The following DAB2IP variants were observed in gnomAD, a reference collection of about 807,000 sequenced individuals.
The protein encoded by DAB2IP is DAB2 interacting protein.
In DAB2IP, 28 loss-of-function variants were observed where a neutral mutation model predicts 107.2. That is an observed-to-expected ratio of 0.26 (90% CI 0.19 to 0.36). The LOEUF (loss-of-function observed/expected upper bound fraction) is 0.36, where lower values mean the gene tolerates loss of function less well. Ranked by LOEUF, DAB2IP falls within the 10% of genes least tolerant of loss-of-function variation. The pLI is 1.00. For synonymous variants in DAB2IP, 755 were observed against 706.4 expected, an observed-to-expected ratio of 1.07 and a Z score of -1.09; for missense variants, 1,400 against 1,644.7, an observed-to-expected ratio of 0.85 and a Z score of 2.57.
intron 1 of DAB2IP, among the ~76,000 whole-genome samples, chr9:121,568,333 C>T (rs1829855337): frequency 6.6e-6 from 1 of 152,152 alleles, no homozygotes; most frequent in African/African-American, 2.4e-5. Flanking sequence ...GCCCAGCCCA[C>T]AGACCTGGCA....
chr9:121,583,588 C>T (rs1830250576), intron 1 of DAB2IP, among the ~76,000 whole-genome samples: 1 of 144,482 alleles, frequency 6.9e-6, no homozygotes, highest in Non-Finnish European at 1.5e-5. Flanking sequence ...GTCCTGGGCA[C>T]AGGCTGGCTT....
chr9:121,593,148 A>C (rs2118933263), intron 1 of DAB2IP, among the ~76,000 whole-genome samples: 1 of 152,140 alleles, frequency 6.6e-6, no homozygotes, highest in East Asian at 1.9e-4. Flanking sequence ...CAACGGCATG[A>C]TCATAGCTTA....
chr9:121,581,288 T>C (rs1589374955), intron 1 of DAB2IP, among the ~76,000 whole-genome samples: 1 of 152,138 alleles, frequency 6.6e-6, no homozygotes, highest in Non-Finnish European at 1.5e-5. Flanking sequence ...TCGCCAGACC[T>C]GCTCAGCCTC....
Position 121,683,231 on chromosome 9 carries a change from C to G in DAB2IP, c.228+4450C>G, listed in dbSNP as rs1003001240. On this transcript the variant is annotated intron_variant, in intron 2 of 15. Transcript: ENST00000408936. ...GCAGCAACAGCATGCTGTTCTTTCT[C>G]TCCTGCCACTCCATGGCAGAGGAGC... Among the ~76,000 whole-genome samples the G allele has an allele frequency of 3.3e-5, 5 of 152,170 alleles. No homozygotes were observed. The South Asian group carries it at 1.0e-3, about 32-fold the overall frequency.
At chr9:121,629,196 C>T (rs143994959) in intron 1 of DAB2IP, among the ~76,000 whole-genome samples, 8 of 152,274 alleles carry the variant, frequency 5.3e-5, no homozygotes, top group South Asian at 2.1e-4. Flanking sequence ...GGGCCCACCT[C>T]GGGGCCCTAC....
chr9:121,567,295 G>A, intron 1 of DAB2IP: 1 of 1,608,986 alleles, frequency 6.2e-7, no homozygotes, highest in Admixed American at 1.7e-5. Flanking sequence ...ACTTTTCTCT[G>A]CTATAGGAAT....
At chr9:121,781,412 CCACCTCTGCTGCCTCCA>C in intron 14 of DAB2IP, 35 bp from the exon 15 acceptor site, 1 of 1,579,482 alleles carries the variant, frequency 6.3e-7, no homozygotes, top group Non-Finnish European at 8.7e-7. Flanking sequence ...CACACCCTCC[CCACCTCTGCTGCCTCCA>C]GGGCCAGTCT....
intron 3 of DAB2IP, among the ~76,000 whole-genome samples, chr9:121,725,021 G>C (rs557235465): frequency 6.6e-6 from 1 of 152,178 alleles, no homozygotes; most frequent in African/African-American, 2.4e-5. Context: ...GAGCACCCCC[G>C]GCACCAGCCA....
rs192270382 is a variant in DAB2IP, at chr9:121,633,576, G to A, written c.41-45102G>A. 1.5e-3 allele frequency among the ~76,000 whole-genome samples: 227 copies of A among 152,316 alleles called. No individual in the cohort carries two copies. The highest frequency in any genetic ancestry group is 1.9e-3 in the Non-Finnish European group (132 of 68,036). On this transcript the variant is annotated intron_variant, in intron 1 of 16. Transcript: ENST00000259371. This position sits in a 1 kb window ranked among gnomAD's most constrained non-coding sequence, Gnocchi z 5.1. Reference sequence around the variant, plus strand: ...GAAATCCTGGAATGGGCTGCTCTGGGAACTCGAGGAGACTCTTTTCATTAG... The same window carrying A: ...GAAATCCTGGAATGGGCTGCTCTGGAAACTCGAGGAGACTCTTTTCATTAG...
intron 1 of DAB2IP, among the ~76,000 whole-genome samples, chr9:121,676,654 C>CA (rs1833922387): frequency 6.6e-6 from 1 of 150,564 alleles, no homozygotes; most frequent in African/African-American, 2.5e-5. Context: ...CACACACACT[C>CA]ACACACACAC....
chr9:121,631,943 G>C (rs1456665807), intron 1 of DAB2IP, among the ~76,000 whole-genome samples: 2 of 152,134 alleles, frequency 1.3e-5, no homozygotes, highest in Non-Finnish European at 2.9e-5. Context: ...GGTGTGTGGA[G>C]AGACGATGGG....
intron 1 of DAB2IP, among the ~76,000 whole-genome samples, chr9:121,619,207 C>T (rs376463095): frequency 3.3e-4 from 50 of 152,288 alleles, no homozygotes; most frequent in African/African-American, 1.0e-3. Context: ...AATGCAGTGG[C>T]GTGATCTCAG....
intron 3 of DAB2IP, among the ~76,000 whole-genome samples, chr9:121,754,537 A>G (rs1348387007): frequency 6.6e-6 from 1 of 152,170 alleles, no homozygotes; most frequent in African/African-American, 2.4e-5. Context: ...GCTCCCAGGG[A>G]AGCGGGGAGG....
chr9:121,703,859 A>T (rs1350552093), intron 3 of DAB2IP, among the ~76,000 whole-genome samples: 1 of 152,146 alleles, frequency 6.6e-6, no homozygotes, highest in Non-Finnish European at 1.5e-5. Context: ...AAGAGATAAT[A>T]GATGTTGCTG....
At chr9:121,580,015 C>T (rs899295183) in intron 1 of DAB2IP, among the ~76,000 whole-genome samples, 1 of 152,116 alleles carries the variant, frequency 6.6e-6, no homozygotes, top group African/African-American at 2.4e-5. Flanking sequence ...TGCCCAGCCT[C>T]GCCCTAGAGA....
At chr9:121,694,423 G>A (rs895778343) in intron 2 of DAB2IP, among the ~76,000 whole-genome samples, 1 of 152,172 alleles carries the variant, frequency 6.6e-6, no homozygotes, top group Non-Finnish European at 1.5e-5. Flanking sequence ...GGAGTGATTC[G>A]TCAGAACAGA....
At chr9:121,649,030 C>G (rs1832644521), upstream of DAB2IP, among the ~76,000 whole-genome samples, 1 of 152,150 alleles carries the variant, frequency 6.6e-6, no homozygotes, top group Non-Finnish European at 1.5e-5. Context: ...CTTTAACTGC[C>G]CTGTTCCTGG....
In DAB2IP at chr9:121,774,410, A is replaced by G. The variant is rs993327568; in HGVS notation, c.3118A>G (p.Lys1040Glu). 7 of 1,609,510 alleles carry G rather than the reference A, an allele frequency of 4.3e-6. No homozygotes were observed. In the South Asian group the frequency reaches 6.7e-5, roughly 15 times the overall value. The change falls in exon 13 of 16, where the codon AAG (lysine) becomes GAG (glutamate). Residue 1040 changes from lysine to glutamate, a missense_variant and splice_region_variant. Transcript: ENST00000408936. ...TAAGGACGAGCTCAGCCAAGCAGAA[A>G]AGGTAAAACTGGACCCTGGCGGCTC...
At chr9:121,605,519 G>T (rs1252027191) in intron 1 of DAB2IP, among the ~76,000 whole-genome samples, 1 of 151,786 alleles carries the variant, frequency 6.6e-6, no homozygotes, top group Non-Finnish European at 1.5e-5. Flanking sequence ...TTTTTTTTGA[G>T]ACAGGGTCTC....
Sources: allele counts gnomAD v4.1 joint callset (sites outside exome capture counted in the v4.1 genomes callset), GRCh38; gene constraint gnomAD v4.1.1; non-coding constraint Gnocchi (gnomAD v3.1); transcripts MANE v1.5; gene names NCBI Gene and HGNC (gene_info 2026-07-23, HGNC 2026-07-21).